Variants in TG observed in about 807,000 individuals in gnomAD.
TG encodes thyroglobulin.
Under a neutral mutation model 324.7 loss-of-function variants are expected in TG, and 270 were observed. The observed-to-expected ratio is 0.83, with a 90% CI of 0.75 to 0.92. The LOEUF (loss-of-function observed/expected upper bound fraction) is 0.92, where lower values mean the gene tolerates loss of function less well. Ranked by LOEUF, TG falls within the 40% of genes least tolerant of loss-of-function variation. The pLI, the probability that TG is intolerant of heterozygous loss-of-function variation, is 0.00. For synonymous variants in TG, 1,401 were observed against 1,327.0 expected, an observed-to-expected ratio of 1.06 and a Z score of -1.21; for missense variants, 3,591 against 3,456.4, an observed-to-expected ratio of 1.04 and a Z score of -0.98.
chr8:133,008,860 C>T (rs1442850757), intron 35 of TG, among the ~76,000 whole-genome samples: 1 of 152,220 alleles, frequency 6.6e-6, no homozygotes, highest in Non-Finnish European at 1.5e-5. Flanking sequence ...AGTAAACTCT[C>T]ACAAAATGCT....
In TG at chr8:132,871,555, A is replaced by G. The variant is rs1839480956; in HGVS notation, c.478+4A>G. On this transcript the variant is annotated splice_donor_region_variant and intron_variant, in intron 4 of 47. Transcript: ENST00000220616. ...CAGCTGGGGAGGCCAAAGCGATGTG[A>G]GTTTCACTGAGCGCCTGCACCCCTA... is the stretch of plus-strand genomic sequence containing the variant. 1 of 1,612,570 alleles carries G rather than the reference A, an allele frequency of 6.2e-7. No individual in the cohort carries two copies. The highest frequency in any genetic ancestry group is 8.5e-7 in the Non-Finnish European group (1 of 1,178,690).
intron 28 of TG, among the ~76,000 whole-genome samples, chr8:132,962,573 GA>G (rs1264310143): frequency 6.6e-6 from 1 of 152,192 alleles, no homozygotes; most frequent in Non-Finnish European, 1.5e-5. Context: ...TTCCTGACTT[GA>G]ACATTTAGTT....
At chr8:132,990,883 A>G (rs7844761) in intron 35 of TG, among the ~76,000 whole-genome samples, 37,565 of 149,634 alleles carry the variant, frequency 0.25, 5,398 homozygotes, top group African/African-American at 0.37. Flanking sequence ...CCCGGGAATC[A>G]TACTCTGAGA....
At chr8:132,909,243 A>T (rs988863897) in intron 18 of TG, among the ~76,000 whole-genome samples, 1 of 152,176 alleles carries the variant, frequency 6.6e-6, no homozygotes, top group African/African-American at 2.4e-5. Context: ...GCAGTGCAGA[A>T]CATGAGAAGC....
At chr8:132,996,850 A>G (rs922750086) in intron 35 of TG, among the ~76,000 whole-genome samples, 2 of 152,160 alleles carry the variant, frequency 1.3e-5, no homozygotes, top group Non-Finnish European at 2.9e-5. Flanking sequence ...AGTGCTGTTC[A>G]CACTAATAAT....
At chr8:133,133,889 G>C (rs570413749) in intron 47 of TG, among the ~76,000 whole-genome samples, 1 of 152,216 alleles carries the variant, frequency 6.6e-6, no homozygotes, top group Non-Finnish European at 1.5e-5. Context: ...CAGGAAGAGG[G>C]CAGTGGGGTG....
At chr8:132,905,042 AG>A (rs1818473471) in intron 16 of TG, among the ~76,000 whole-genome samples, 1 of 152,154 alleles carries the variant, frequency 6.6e-6, no homozygotes, top group Non-Finnish European at 1.5e-5. Context: ...CCTATCCCAT[AG>A]GGTTGTGGGG....
intron 29 of TG, among the ~76,000 whole-genome samples, chr8:132,965,424 A>T (rs1362581264): frequency 6.6e-6 from 1 of 152,222 alleles, no homozygotes; most frequent in Non-Finnish European, 1.5e-5. Flanking sequence ...AAGCACTACA[A>T]GGAAAGTGCA....
At chr8:133,006,905 A>G (rs1419638289) in intron 35 of TG, among the ~76,000 whole-genome samples, 1 of 152,238 alleles carries the variant, frequency 6.6e-6, no homozygotes, top group East Asian at 1.9e-4. Context: ...TAAAATGTGT[A>G]TTAGAATGGG....
chr8:132,911,980 A>G lies in TG; in HGVS notation c.4159+447A>G, dbSNP rs137944489. 5.1e-3 allele frequency among the ~76,000 whole-genome samples: 784 copies of G among 152,318 alleles called. 26 individuals are homozygous for G. Among genetic ancestry groups the G allele is most frequent in the Admixed American group, 0.045 (681 of 15,300 alleles). On this transcript the variant is annotated intron_variant, in intron 19 of 47. Transcript: ENST00000220616. ...GAGAAGAATGGATTTTATGATACCT[A>G]CTGTGGGCATGTGCCATGTTCAGCT...
At chr8:132,879,953 G>A (rs556988959) in intron 5 of TG, among the ~76,000 whole-genome samples, 2 of 152,342 alleles carry the variant, frequency 1.3e-5, no homozygotes, top group Admixed American at 1.3e-4. Flanking sequence ...TGGAACTAGA[G>A]TGATTTAAAC....
At chr8:133,006,304 C>T (rs1431730326) in intron 35 of TG, among the ~76,000 whole-genome samples, 1 of 152,206 alleles carries the variant, frequency 6.6e-6, no homozygotes, top group East Asian at 1.9e-4. Flanking sequence ...AGACCACAGT[C>T]ATTTTCAAAC....
At chr8:132,934,757 G>A (rs1468111208) in intron 24 of TG, among the ~76,000 whole-genome samples, 18 of 152,164 alleles carry the variant, frequency 1.2e-4, no homozygotes, top group Admixed American at 1.1e-3. Context: ...GCAGCCTTGC[G>A]GGGGAAGGCA....
At chr8:132,910,143 G>T (rs944224391) in intron 18 of TG, among the ~76,000 whole-genome samples, 4 of 152,160 alleles carry the variant, frequency 2.6e-5, no homozygotes, top group Admixed American at 2.0e-4. Context: ...TTCACCAGGG[G>T]TGTGGCACTG....
At chr8:132,967,742 C>G in intron 30 of TG, 52 bp from the exon 31 acceptor site, 1 of 1,599,170 alleles carries the variant, frequency 6.3e-7, no homozygotes, top group Non-Finnish European at 8.6e-7. Context: ...AGAGATTATT[C>G]TCCCCTGTAG....
intron 27 of TG, among the ~76,000 whole-genome samples, chr8:132,956,447 CG>C (rs769049161): frequency 1.1e-3 from 167 of 152,040 alleles, no homozygotes; most frequent in Non-Finnish European, 2.0e-3. Flanking sequence ...ACTCAGAGGA[CG>C]GGGGTGTGTG....
At chr8:133,045,295 A>G (rs1839114242) in intron 41 of TG, among the ~76,000 whole-genome samples, 1 of 151,124 alleles carries the variant, frequency 6.6e-6, no homozygotes. Flanking sequence ...GCTTCCCGTT[A>G]GAGACTGCAG....
intron 34 of TG, among the ~76,000 whole-genome samples, chr8:132,976,130 A>G (rs750955344): frequency 3.9e-5 from 6 of 152,238 alleles, no homozygotes; most frequent in Non-Finnish European, 7.3e-5. Flanking sequence ...TCACGGAAAC[A>G]TGGGAGAAAG....
intron 18 of TG, among the ~76,000 whole-genome samples, chr8:132,910,359 T>C (rs1017338033): frequency 2.6e-5 from 4 of 152,230 alleles, no homozygotes; most frequent in African/African-American, 9.6e-5. Context: ...GAGTTCACTT[T>C]CCTTCTAAAA....
Sources: gnomAD v4.1 joint callset for allele counts (sites outside exome capture counted in the v4.1 genomes callset) on GRCh38, gnomAD v4.1.1 for gene constraint, MANE v1.5 for transcripts, NCBI Gene and HGNC (gene_info 2026-07-23, HGNC 2026-07-21) for gene names.